CLN8: variants seen among roughly 807,000 people sequenced by gnomAD.
CLN8 encodes protein CLN8.
In CLN8, 14 loss-of-function variants were observed where a neutral mutation model predicts 15.7. The observed-to-expected ratio is 0.89, with a 90% confidence interval of 0.59 to 1.39. CLN8 has a LOEUF of 1.39. CLN8 is among the 40% of genes most tolerant of loss of function. The pLI is 0.00. For synonymous variants in CLN8, 188 were observed against 151.0 expected (o/e 1.25, Z -1.80); for missense variants, 415 against 364.0 (o/e 1.14, Z -1.14).
chr8:1,765,445 A>G (rs1293276882), intron 1 of CLN8, among the ~76,000 whole-genome samples: 4 of 152,138 alleles, frequency 2.6e-5, no homozygotes, highest in African/African-American at 4.8e-5. Context: ...TTGTATTTTT[A>G]TGCTTGTTTA....
At chr8:1,772,820 C>T (rs1210651013) in intron 2 of CLN8, 4 of 394,940 alleles carry the variant, frequency 1.0e-5, no homozygotes, top group Non-Finnish European at 1.8e-5. Flanking sequence ...TCTTTTATGA[C>T]CCATCACATT....
At chr8:1,756,420 G>C (rs912359766) in intron 1 of CLN8, among the ~76,000 whole-genome samples, 8 of 150,240 alleles carry the variant, frequency 5.3e-5, no homozygotes, top group African/African-American at 2.0e-4. Flanking sequence ...GGAGGCAGAG[G>C]TTGCAGTGAG....
rs1064793088 is a variant in CLN8 at position 1,763,878 on chromosome 8, C to CAGCCCAGGTGAGCGCTCAGGG, written c.-125_-124+19dup. 21 of 152,282 alleles carry CAGCCCAGGTGAGCGCTCAGGG rather than the reference C, an allele frequency of 1.4e-4. No homozygotes were observed. Among genetic ancestry groups the CAGCCCAGGTGAGCGCTCAGGG allele is most frequent in the Admixed American group, 7.2e-4 (11 of 15,252 alleles). The allele number at this position is 152,282 out of a possible 1,614,324, so 9.4% of individuals were successfully genotyped here. A position where few individuals can be genotyped will look rare whatever the true frequency, so the allele number is the denominator to read the frequency against. ...AAGCGCAGGGAGCCCGGCTGAGTGG[C>CAGCCCAGGTGAGCGCTCAGGG]AGCCCAGGTGAGCGCTCAGGGAGCC... is the stretch of plus-strand genomic sequence containing the variant. On this transcript the variant is annotated 5_prime_UTR_variant, in exon 1 of 3. Coordinates refer to ENST00000331222, the MANE Select transcript of CLN8 (RefSeq NM_018941.4).
At chr8:1,779,124 T>C (rs530405932) in intron 2 of CLN8, among the ~76,000 whole-genome samples, 6 of 152,334 alleles carry the variant, frequency 3.9e-5, no homozygotes, top group African/African-American at 1.4e-4. Context: ...TGTATCATCT[T>C]TGCACCATAA....
chr8:1,780,097 C>G, intron 2 of CLN8, 153 bp from the exon 3 acceptor site: 1 of 985,436 alleles, frequency 1.0e-6, no homozygotes, highest in Non-Finnish European at 1.2e-6. Flanking sequence ...GAATGAAGTC[C>G]CAATGAGAGC....
upstream of CLN8, chr8:1,762,185 ATTTTAT>A (rs1241320428): frequency 6.6e-6 from 1 of 152,012 alleles, no homozygotes; most frequent in East Asian, 1.9e-4. Context: ...AGTTTATTTT[ATTTTAT>A]TTTTATTTTT....
intron 2 of CLN8, among the ~76,000 whole-genome samples, chr8:1,775,865 G>T (rs186663008): frequency 2.0e-5 from 3 of 152,240 alleles, no homozygotes; most frequent in Admixed American, 2.0e-4. Flanking sequence ...GAGCACTCTT[G>T]CAGGCCCTGT....
chr8:1,778,014 A>C (rs901608618), intron 2 of CLN8, among the ~76,000 whole-genome samples: 37 of 152,248 alleles, frequency 2.4e-4, no homozygotes, highest in Non-Finnish European at 1.2e-4. Context: ...CTGTAGGTGC[A>C]GTTGTCCAGC....
chr8:1,769,634 TG>T (rs771244050), intron 1 of CLN8, among the ~76,000 whole-genome samples: 4 of 152,220 alleles, frequency 2.6e-5, no homozygotes, highest in Non-Finnish European at 5.9e-5. Context: ...GTTGTGTGCC[TG>T]GGTTTCCTGC....
chr8:1,780,091 G>A (rs1181042805), intron 2 of CLN8, 159 bp from the exon 3 acceptor site: 1 of 985,374 alleles, frequency 1.0e-6, no homozygotes, highest in African/African-American at 1.7e-5. Flanking sequence ...CTTTCAGAAT[G>A]AAGTCCCAAT....
intron 2 of CLN8, among the ~76,000 whole-genome samples, chr8:1,778,553 C>G (rs921335159): frequency 6.6e-6 from 1 of 152,192 alleles, no homozygotes; most frequent in Non-Finnish European, 1.5e-5. Context: ...TCCTGGCCCA[C>G]CTTGAGGTGG....
Position 1,771,139 on chromosome 8 carries a change from G to T in CLN8, c.85G>T (p.Val29Phe), listed in dbSNP as rs766183817. ...ASWGIRSTLMVAGFVFYLGVF... is the reference protein window; with the variant it reads ...ASWGIRSTLMFAGFVFYLGVF... ...CTGGGGGATCCGCTCCACGCTGATGGTCGCTGGCTTTGTCTTCTACTTGGG... is the reference window on the plus strand; with the variant it reads ...CTGGGGGATCCGCTCCACGCTGATGTTCGCTGGCTTTGTCTTCTACTTGGG... The change falls in exon 2 of 3, where the codon GTC becomes TTC. Residue 29 changes from valine (V) to phenylalanine (F), a missense_variant. Val to Phe is a conservative substitution (Grantham distance 50). Transcript: ENST00000331222. 35 of 1,613,944 alleles carry T rather than the reference G, an allele frequency of 2.2e-5. No homozygotes were observed. The highest frequency in any genetic ancestry group is 3.0e-5 in the Non-Finnish European group (35 of 1,180,036).
intron 2 of CLN8, among the ~76,000 whole-genome samples, chr8:1,774,091 G>C (rs1368600987): frequency 1.3e-5 from 2 of 152,222 alleles, no homozygotes; most frequent in African/African-American, 4.8e-5. Flanking sequence ...GATTTCTCCA[G>C]GGTTTTATCT....
At chr8:1,771,626 A>C (rs1466908254) in intron 2 of CLN8, 29 bp downstream of exon 2, 1 of 1,601,876 alleles carries the variant, frequency 6.2e-7, no homozygotes, top group African/African-American at 1.3e-5. Flanking sequence ...AGAAGATGAC[A>C]TGTGCCTCAC....
At chr8:1,753,738 T>C (rs189199789), upstream of CLN8, among the ~76,000 whole-genome samples, 896 of 150,532 alleles carry the variant, frequency 6.0e-3, 10 homozygotes, top group African/African-American at 0.021. Flanking sequence ...ACAAAAAAAT[T>C]AGCCGGCTGT....
Position 1,783,803 on chromosome 8 carries a change from G to A in CLN8, c.*3236G>A, listed in dbSNP as rs1211442511. ...GCACTGTTGATTCCACTTCTGTCGAGGAGCTTCGGGGCTCAGAGAGGTGAT... is the reference window on the plus strand; with the variant it reads ...GCACTGTTGATTCCACTTCTGTCGAAGAGCTTCGGGGCTCAGAGAGGTGAT... On this transcript the variant is annotated 3_prime_UTR_variant, in exon 3 of 3. Transcript: ENST00000331222. 1 of 152,246 alleles carries A rather than the reference G, an allele frequency of 6.6e-6. No individual in the cohort carries two copies. Among genetic ancestry groups the A allele is most frequent in the East Asian group, 1.9e-4 (1 of 5,190 alleles). The allele number at this position is 152,246 out of a possible 1,614,324, so 9.4% of individuals were successfully genotyped here.
intron 1 of CLN8, chr8:1,764,554 G>C (rs1800966955): frequency 1.3e-5 from 2 of 152,890 alleles, no homozygotes; most frequent in East Asian, 3.9e-4. Context: ...AGTTAGCTGG[G>C]GCGGAAGGGG....
At chr8:1,766,701 C>T (rs1231330806) in intron 1 of CLN8, among the ~76,000 whole-genome samples, 1 of 152,146 alleles carries the variant, frequency 6.6e-6, no homozygotes, top group Non-Finnish European at 1.5e-5. Flanking sequence ...GATTCGGCCT[C>T]CAGTTTTACC....
Position 1,781,953 on chromosome 8 carries a change from T to TTTGTG in CLN8, c.*1387_*1388insTGTGT, listed in dbSNP as rs1554452063. On this transcript the variant is annotated 3_prime_UTR_variant, in exon 3 of 3. Coordinates refer to ENST00000331222, the MANE Select transcript of CLN8 (RefSeq NM_018941.4). Reference sequence around the variant, plus strand: ...CAATGTTGTTAACAGACATACAGAATTGTGTGTGTGTGTGTGTGTGTGTGT... The same window carrying TTTGTG: ...CAATGTTGTTAACAGACATACAGAATTTGTGTGTGTGTGTGTGTGTGTGTGTGTGT... 1 of 147,880 alleles carries TTTGTG rather than the reference T, an allele frequency of 6.8e-6. No individual in the cohort carries two copies. The highest frequency in any genetic ancestry group is 1.5e-5 in the Non-Finnish European group (1 of 66,816). 9.2% of individuals were successfully genotyped at this position (147,880 alleles called of 1,614,324 possible).
Sources: gnomAD v4.1 joint callset for allele counts (sites outside exome capture counted in the v4.1 genomes callset) on GRCh38, gnomAD v4.1.1 for gene constraint, MANE v1.5 for transcripts, NCBI Gene and HGNC (gene_info 2026-07-23, HGNC 2026-07-21) for gene names.